The following DAB2IP variants were observed in gnomAD, a reference collection of about 807,000 sequenced individuals.
The protein encoded by DAB2IP is disabled homolog 2-interacting protein.
Under a neutral mutation model 107.2 loss-of-function variants are expected in DAB2IP, and 28 were observed. The observed-to-expected ratio is 0.26, with a 90% confidence interval of 0.19 to 0.36. The LOEUF is 0.36. Among genes scored for constraint, DAB2IP ranks in the 10% least tolerant of loss-of-function variants. DAB2IP has a pLI of 1.00. For missense variants in DAB2IP, 1,400 were observed against 1,644.7 expected (o/e 0.85, Z 2.57); for synonymous variants, 755 against 706.4 (o/e 1.07, Z -1.09).
chr9:121,623,784 T>C (rs1831553635), intron 1 of DAB2IP, among the ~76,000 whole-genome samples: 1 of 152,114 alleles, frequency 6.6e-6, no homozygotes, highest in African/African-American at 2.4e-5. Flanking sequence ...GCCTCCTGGG[T>C]CCAAGTGATT....
intron 3 of DAB2IP, among the ~76,000 whole-genome samples, chr9:121,728,438 C>G (rs998540430): frequency 6.6e-6 from 1 of 152,122 alleles, no homozygotes; most frequent in Admixed American, 6.5e-5. Flanking sequence ...TTGCTAGTTG[C>G]GTGAATTTGG....
At chr9:121,591,442 C>T (rs1003913360) in intron 1 of DAB2IP, among the ~76,000 whole-genome samples, 2 of 152,158 alleles carry the variant, frequency 1.3e-5, no homozygotes, top group Non-Finnish European at 2.9e-5. Context: ...GCACTCCAGC[C>T]TTGGGCAACA....
chr9:121,630,039 A>G (rs1269681929), intron 1 of DAB2IP, among the ~76,000 whole-genome samples: 1 of 152,240 alleles, frequency 6.6e-6, no homozygotes, highest in Non-Finnish European at 1.5e-5. Context: ...ATAAATGTAG[A>G]TGATCAACCA....
intron 1 of DAB2IP, among the ~76,000 whole-genome samples, chr9:121,627,433 A>C (rs1294116334): frequency 6.6e-6 from 1 of 151,390 alleles, no homozygotes; most frequent in African/African-American, 2.4e-5. Context: ...ATCCTTGTAC[A>C]TCTGTTCTTA....
intron 1 of DAB2IP, among the ~76,000 whole-genome samples, chr9:121,644,894 G>A (rs966951775): frequency 6.6e-6 from 1 of 152,216 alleles, no homozygotes; most frequent in African/African-American, 2.4e-5. Flanking sequence ...CCGTTCAGCT[G>A]TCCTCCTCTG....
At chr9:121,695,134 A>G (rs1040172860) in intron 2 of DAB2IP, among the ~76,000 whole-genome samples, 4 of 136,500 alleles carry the variant, frequency 2.9e-5, no homozygotes, top group Non-Finnish European at 6.3e-5. Flanking sequence ...TTGCTTTAGG[A>G]AAAAAAAAAA....
At chr9:121,657,119 C>G (rs567415660) in intron 1 of DAB2IP, among the ~76,000 whole-genome samples, 1 of 152,216 alleles carries the variant, frequency 6.6e-6, no homozygotes, top group African/African-American at 2.4e-5. Context: ...GCCCCTGCCC[C>G]CTGGATCCTG....
At chr9:121,758,282 A>AGG (rs1361710494) in intron 4 of DAB2IP, among the ~76,000 whole-genome samples, 2 of 152,202 alleles carry the variant, frequency 1.3e-5, no homozygotes, top group East Asian at 3.9e-4. Context: ...AGTGAGAGTC[A>AGG]GACAGAGAGG....
chr9:121,656,870 A>G (rs1324467348), intron 1 of DAB2IP, among the ~76,000 whole-genome samples: 1 of 152,116 alleles, frequency 6.6e-6, no homozygotes, highest in Non-Finnish European at 1.5e-5. Context: ...AGCTCTGCCC[A>G]CCTCCAGGTC....
At chr9:121,784,046 C>T (rs536970563) in exon 16 of DAB2IP, 1 of 188,802 alleles carries the variant, frequency 5.3e-6, no homozygotes, top group African/African-American at 2.3e-5. Context: ...GAGGGGTGGC[C>T]CAGAGCCATA....
chr9:121,658,020 G>A (rs1833040726), intron 1 of DAB2IP, among the ~76,000 whole-genome samples: 1 of 152,180 alleles, frequency 6.6e-6, no homozygotes, highest in South Asian at 2.1e-4. Flanking sequence ...CGGTGTTGGT[G>A]TAGTTTGTTG....
intron 3 of DAB2IP, among the ~76,000 whole-genome samples, chr9:121,710,791 C>G (rs569118934): frequency 6.6e-6 from 1 of 152,144 alleles, no homozygotes; most frequent in African/African-American, 2.4e-5. Flanking sequence ...GTGAAGCTGG[C>G]GCTGAAATCC....
At chr9:121,688,583 T>C (rs1266647289) in intron 2 of DAB2IP, among the ~76,000 whole-genome samples, 1 of 152,218 alleles carries the variant, frequency 6.6e-6, no homozygotes, top group Non-Finnish European at 1.5e-5. Context: ...TCCAGGGCTC[T>C]GTCCAGGTTG....
At chr9:121,759,125 C>T (rs926686653) in intron 5 of DAB2IP, 129 bp downstream of exon 5, 30 of 856,292 alleles carry the variant, frequency 3.5e-5, no homozygotes, top group Non-Finnish European at 4.7e-5. Flanking sequence ...AGGCAGGGCC[C>T]GAGTGGACAA....
At chr9:121,608,051 C>G (rs1830943181) in intron 1 of DAB2IP, among the ~76,000 whole-genome samples, 1 of 152,196 alleles carries the variant, frequency 6.6e-6, no homozygotes, top group East Asian at 1.9e-4. Flanking sequence ...CTCTGTCAGC[C>G]CCTCTGATAG....
chr9:121,638,204 C>T (rs1251626095), intron 1 of DAB2IP, among the ~76,000 whole-genome samples: 6 of 152,218 alleles, frequency 3.9e-5, no homozygotes, highest in African/African-American at 1.4e-4. Flanking sequence ...TGCATCTGTA[C>T]TGAACATGTA....
intron 3 of DAB2IP, among the ~76,000 whole-genome samples, 163 bp from the exon 4 acceptor site, chr9:121,756,850 G>C (rs972512757): frequency 1.3e-5 from 2 of 149,532 alleles, no homozygotes. Flanking sequence ...ACCAGTCTCT[G>C]TGACAGCCCT....
chr9:121,714,819 G>C lies in DAB2IP; in HGVS notation c.362+15361G>C, dbSNP rs76475446. ...GGGTTTCATCTGGTGGGGGTGGTGGGGAGGGCCTCCCCGATGACAAAAGGA... is the reference window on the plus strand; with the variant it reads ...GGGTTTCATCTGGTGGGGGTGGTGGCGAGGGCCTCCCCGATGACAAAAGGA... On this transcript the variant is annotated intron_variant, in intron 3 of 15. Coordinates refer to ENST00000408936, the Ensembl canonical transcript of DAB2IP. 5.2e-3 allele frequency among the ~76,000 whole-genome samples: 791 copies of C among 152,336 alleles called. 13 individuals carry two copies. The highest frequency in any genetic ancestry group is 0.018 in the African/African-American group (765 of 41,580).
intron 3 of DAB2IP, among the ~76,000 whole-genome samples, chr9:121,705,326 A>G (rs1388172497): frequency 6.6e-6 from 1 of 152,230 alleles, no homozygotes; most frequent in Non-Finnish European, 1.5e-5. Flanking sequence ...ATGTCCTTAT[A>G]CATGTCTGTG....
Sources: gnomAD v4.1 joint callset for allele counts (sites outside exome capture counted in the v4.1 genomes callset) on GRCh38, gnomAD v4.1.1 for gene constraint, MANE v1.5 for transcripts, NCBI Gene and HGNC (gene_info 2026-07-23, HGNC 2026-07-21) for gene names.